IQSEC2: variants seen among roughly 807,000 people sequenced by gnomAD.
IQSEC2 encodes IQ motif and Sec7 domain ArfGEF 2, also known as IQ motif and SEC7 domain-containing protein 2.
Under a neutral mutation model 74.6 loss-of-function variants are expected in IQSEC2, and 6 were observed. The observed-to-expected ratio is 0.08, with a 90% CI of 0.04 to 0.16. The LOEUF is 0.16. IQSEC2 is among the 10% of genes least tolerant of loss of function. The pLI, the probability that IQSEC2 is intolerant of heterozygous loss-of-function variation, is 1.00. For missense variants in IQSEC2, 734 were observed against 1,306.2 expected (o/e 0.56, Z 6.75); for synonymous variants, 494 against 544.5 (o/e 0.91, Z 1.29).
chrX:53,263,731 C>T (rs1556867032), intron 2 of IQSEC2, among the ~76,000 whole-genome samples: 1 of 111,699 alleles, frequency 9.0e-6, no homozygotes, highest in African/African-American at 3.3e-5. Flanking sequence ...ACTCCTGCCG[C>T]TCACGGAACA....
intron 14 of IQSEC2, 42 bp downstream of exon 14, chrX:53,235,741 G>A: frequency 3.5e-6 from 4 of 1,152,385 alleles, no homozygotes; most frequent in Non-Finnish European, 4.7e-6. Flanking sequence ...GGCCGGGGCA[G>A]GGCTCATGCA....
chrX:53,281,808 A>C (rs781969096), intron 2 of IQSEC2, among the ~76,000 whole-genome samples: 27 of 111,571 alleles, frequency 2.4e-4, no homozygotes, highest in Non-Finnish European at 4.0e-4. Flanking sequence ...GAATCTCCCC[A>C]CGCACCCCAT....
At position 53,286,940 on chromosome X, in the gene IQSEC2, A is replaced by C. The variant is rs868926789; in HGVS notation, c.737+4955T>G. 1.8e-3 allele frequency among the ~76,000 whole-genome samples: 5 copies of C among 2,853 alleles called. No homozygotes were observed. In the Non-Finnish European group the frequency reaches 0.027, roughly 16 times the overall value. 2.5% of individuals were successfully genotyped at this position (2,853 alleles called of 115,157 possible). A position where few individuals can be genotyped will look rare whatever the true frequency, so the allele number is the denominator to read the frequency against. On this transcript the variant is annotated intron_variant, in intron 2 of 14. Transcript: ENST00000642864. ...GGGCGACAGAGCAAGTATCCGGCTC[A>C]AAAAAAAAAAAAAAAAAGAAAAAGA...
chrX:53,278,031 G>A (rs1305050665), intron 2 of IQSEC2, among the ~76,000 whole-genome samples: 4 of 44,368 alleles, frequency 9.0e-5, no homozygotes, highest in Non-Finnish European at 1.4e-4. Flanking sequence ...TTTTTTTTGA[G>A]ACGGAGTCTC....
At chrX:53,271,214 T>C (rs2074739962) in intron 2 of IQSEC2, among the ~76,000 whole-genome samples, 1 of 111,679 alleles carries the variant, frequency 9.0e-6, no homozygotes, top group Non-Finnish European at 1.9e-5. Flanking sequence ...TCATGGACCT[T>C]GAATGACTGG....
intron 11 of IQSEC2, 114 bp from the exon 12 acceptor site, chrX:53,238,420 C>G: frequency 1.3e-6 from 1 of 755,050 alleles, no homozygotes; most frequent in Non-Finnish European, 2.0e-6. Context: ...CTCTCTGTCA[C>G]CCAGGCTGGA....
intron 2 of IQSEC2, among the ~76,000 whole-genome samples, chrX:53,282,173 T>A (rs1426716879): frequency 8.9e-6 from 1 of 112,866 alleles, no homozygotes; most frequent in East Asian, 2.8e-4. Flanking sequence ...TGTTGTTTTC[T>A]AGACTGGCTG....
chrX:53,240,722 G>C (rs2074203869), intron 10 of IQSEC2, among the ~76,000 whole-genome samples: 1 of 110,023 alleles, frequency 9.1e-6, no homozygotes, highest in Non-Finnish European at 1.9e-5. Context: ...ATCCCTAAAA[G>C]ACAAACATCT....
At chrX:53,304,502 T>C (rs1195972745) in intron 1 of IQSEC2, among the ~76,000 whole-genome samples, 5 of 112,191 alleles carry the variant, frequency 4.5e-5, no homozygotes, top group Non-Finnish European at 9.4e-5. Context: ...ATGATAAAAA[T>C]GATGTTGATG....
intron 7 of IQSEC2, among the ~76,000 whole-genome samples, chrX:53,247,829 A>G (rs2074330587): frequency 8.9e-6 from 1 of 112,409 alleles, no homozygotes; most frequent in Admixed American, 9.4e-5. Flanking sequence ...TGAAATAATC[A>G]TGTAAAGTGC....
At chrX:53,236,625 G>A (rs2074134925) in intron 12 of IQSEC2, 130 bp from the exon 13 acceptor site, 1 of 787,141 alleles carries the variant, frequency 1.3e-6, no homozygotes, top group Non-Finnish European at 1.9e-6. Context: ...CCCAGGCTTC[G>A]TGTTTTGCCC....
rs782377350 is a variant in IQSEC2, at chrX:53,296,763, T to C, written c.708-4839A>G. On this transcript the variant is annotated intron_variant, in intron 1 of 14. Coordinates refer to ENST00000642864, the MANE Select transcript of IQSEC2 (RefSeq NM_001111125.3). Reference sequence around the variant, plus strand: ...GTTTTGTAAAGACAGGGCTTCACCATGTTGGCCAGGCTGGTCTCGAACTCC... The same window carrying C: ...GTTTTGTAAAGACAGGGCTTCACCACGTTGGCCAGGCTGGTCTCGAACTCC... Among the ~76,000 whole-genome samples the C allele has an allele frequency of 2.4e-4, 27 of 110,769 alleles. 1 individual carries two copies. Among genetic ancestry groups the C allele is most frequent in the African/African-American group, 8.2e-4 (25 of 30,415 alleles).
Position 53,248,810 on chromosome X carries a change from G to C in IQSEC2, c.2370C>G (p.His790Gln). 1 of 1,211,292 alleles carries C rather than the reference G, an allele frequency of 8.3e-7. No individual in the cohort carries two copies. Among genetic ancestry groups the C allele is most frequent in the South Asian group, 1.8e-5 (1 of 56,958 alleles). ...TGAGGCCTTTCCGCTCCAGGATGAA[G>C]TGAGCCACTCCCACCGGTGTGTCTG... is the stretch of plus-strand genomic sequence containing the variant. ...FLSDTPVGVAHFILERKGLSR... is the reference protein window; with the variant it reads ...FLSDTPVGVAQFILERKGLSR... Residue 790 changes from histidine (H) to glutamine (Q), a missense_variant, in exon 6 of 15, where the codon CAC (histidine) becomes CAG (glutamine). His to Gln is a conservative substitution (Grantham distance 24, BLOSUM62 0). Coordinates refer to ENST00000642864, the MANE Select transcript of IQSEC2 (RefSeq NM_001111125.3).
chrX:53,311,408 G>A (rs2075321231), intron 1 of IQSEC2, among the ~76,000 whole-genome samples: 1 of 110,332 alleles, frequency 9.1e-6, no homozygotes, highest in African/African-American at 3.3e-5. Flanking sequence ...AGCAGGCTGC[G>A]CTCCCCTCCA....
intron 2 of IQSEC2, among the ~76,000 whole-genome samples, chrX:53,263,765 C>G (rs1430490387): frequency 1.8e-5 from 2 of 111,598 alleles, no homozygotes; most frequent in Non-Finnish European, 3.8e-5. Flanking sequence ...GACTCCCTCC[C>G]CTGTGTCTTA....
chrX:53,239,654 G>T, intron 10 of IQSEC2: 1 of 230,280 alleles, frequency 4.3e-6, no homozygotes, highest in Non-Finnish European at 8.0e-6. Flanking sequence ...CACTATGCTA[G>T]TCCTCTGAGT....
intron 14 of IQSEC2, 84 bp downstream of exon 14, chrX:53,235,699 G>T: frequency 9.9e-7 from 1 of 1,008,855 alleles, no homozygotes; most frequent in Non-Finnish European, 1.4e-6. Flanking sequence ...AAGAGGGGGA[G>T]CAACAGGTCC....
rs368569948 is a variant in IQSEC2 at position 53,245,858 on chromosome X, C to CT, written c.2749+1110dup. On this transcript the variant is annotated intron_variant, in intron 8 of 14. Coordinates refer to ENST00000642864, the MANE Select transcript of IQSEC2 (RefSeq NM_001111125.3). ...CATCAATGACCTCATCTCAATTGTT[C>CT]TTTTTTTTTTTTTTTTTTTTTCAAG... is the stretch of plus-strand genomic sequence containing the variant. Among the ~76,000 whole-genome samples, 724 of 75,590 alleles carry CT rather than the reference C, an allele frequency of 9.6e-3. 5 individuals carry two copies. The highest frequency in any genetic ancestry group is 0.015 in the South Asian group (20 of 1,375). The allele number at this position is 75,590 out of a possible 115,157, so 65.6% of individuals were successfully genotyped here.
rs36027805 is a variant in IQSEC2, at chrX:53,278,003, C to CTTT, written c.737+13889_737+13891dup. Among the ~76,000 whole-genome samples, 97 of 37,564 alleles carry CTTT rather than the reference C, an allele frequency of 2.6e-3. 1 individual carries two copies. Among genetic ancestry groups the CTTT allele is most frequent in the African/African-American group, 6.4e-3 (54 of 8,388 alleles). The allele number at this position is 37,564 out of a possible 115,157, so 32.6% of individuals were successfully genotyped here. Reference sequence around the variant, plus strand: ...TCTTTTTTTCTTTTCTTTTCTTTTTCTTTTTTTTTTTTTTTTTTTTTTTTT... The same window carrying CTTT: ...TCTTTTTTTCTTTTCTTTTCTTTTTCTTTTTTTTTTTTTTTTTTTTTTTTTTTT... On this transcript the variant is annotated intron_variant, in intron 2 of 14. Coordinates refer to ENST00000642864, the MANE Select transcript of IQSEC2 (RefSeq NM_001111125.3).
Sources: gnomAD v4.1 joint callset for allele counts (sites outside exome capture counted in the v4.1 genomes callset) on GRCh38, gnomAD v4.1.1 for gene constraint, MANE v1.5 for transcripts, NCBI Gene and HGNC (gene_info 2026-07-23, HGNC 2026-07-21) for gene names.